The following NAV2 variants were observed in gnomAD, a reference collection of about 807,000 sequenced individuals.
NAV2 encodes the protein neuron navigator 2, also known as helicase, APC down-regulated 1.
A neutral mutation model predicts 223.2 loss-of-function variants in NAV2; 54 were observed. The ratio of observed to expected loss-of-function variants is 0.24; its 90% CI spans 0.19 to 0.30. NAV2 has a LOEUF of 0.30. Among genes scored for constraint, NAV2 ranks in the 10% least tolerant of loss-of-function variants. NAV2 has a pLI of 1.00. For missense variants in NAV2, 2,806 were observed against 3,147.5 expected (o/e 0.89, Z 2.60); for synonymous variants, 1,279 against 1,239.3 (o/e 1.03, Z -0.67).
At chr11:20,054,570 A>ATTGG (rs537322044) in intron 18 of NAV2, among the ~76,000 whole-genome samples, 153 of 152,310 alleles carry the variant, frequency 1.0e-3, no homozygotes, top group African/African-American at 3.5e-3. Flanking sequence ...TTTGGTTGAT[A>ATTGG]TTGGTAGGGC....
intron 1 of NAV2, among the ~76,000 whole-genome samples, chr11:19,458,973 G>C (rs1156772116): frequency 2.0e-5 from 3 of 152,264 alleles, no homozygotes; most frequent in African/African-American, 7.2e-5. Flanking sequence ...TTGAGTGTGC[G>C]TGAGCACAGG....
At chr11:19,875,960 C>T (rs1312872019) in intron 4 of NAV2, among the ~76,000 whole-genome samples, 3 of 151,956 alleles carry the variant, frequency 2.0e-5, no homozygotes, top group East Asian at 3.9e-4. Context: ...CACATTTTCT[C>T]AGCCAAAAAA....
chr11:19,714,525 G>C, intron 1 of NAV2: 2 of 455,232 alleles, frequency 4.4e-6, no homozygotes, highest in Non-Finnish European at 8.8e-6. Flanking sequence ...GGGATTCCGG[G>C]CAAGGTGCTG....
At chr11:19,611,020 A>G (rs1712072652) in intron 1 of NAV2, among the ~76,000 whole-genome samples, 1 of 152,222 alleles carries the variant, frequency 6.6e-6, no homozygotes, top group Admixed American at 6.5e-5. Flanking sequence ...GGGAAGAAAA[A>G]GAGGTTTAAT....
Position 19,401,345 on chromosome 11 carries a change from C to T in NAV2, c.75+50318C>T, listed in dbSNP as rs75852279. ...TGCGCCAGCAGCCACGAATTGCCAG[C>T]CTTGGAATCCAACTGTACCCCTGTA... On this transcript the variant is annotated intron_variant, in intron 1 of 37. Coordinates refer to the NAV2 transcript ENST00000360655. Among the ~76,000 whole-genome samples the T allele has an allele frequency of 4.1e-3, 624 of 152,280 alleles. 6 individuals are homozygous for T. The highest frequency in any genetic ancestry group is 0.015 in the African/African-American group (604 of 41,540).
chr11:19,660,567 A>C (rs1048785267), intron 1 of NAV2, among the ~76,000 whole-genome samples: 1 of 152,142 alleles, frequency 6.6e-6, no homozygotes, highest in African/African-American at 2.4e-5. Context: ...ATCAGATCCC[A>C]ACAAAAGTCA....
chr11:19,885,128 G>A (rs914312735), intron 5 of NAV2, among the ~76,000 whole-genome samples: 2 of 152,174 alleles, frequency 1.3e-5, no homozygotes, highest in Non-Finnish European at 2.9e-5. Flanking sequence ...TTTATTGAAC[G>A]CACCAGTTCA....
chr11:19,754,108 G>T (rs1031392328), intron 1 of NAV2, among the ~76,000 whole-genome samples: 1 of 152,126 alleles, frequency 6.6e-6, no homozygotes, highest in African/African-American at 2.4e-5. Context: ...TTTCCCCTCT[G>T]TCCCTTTTGC....
intron 1 of NAV2, among the ~76,000 whole-genome samples, chr11:19,705,522 G>A (rs1237151738): frequency 1.3e-5 from 2 of 152,126 alleles, no homozygotes; most frequent in Non-Finnish European, 2.9e-5. Context: ...CACTGAATGA[G>A]GAGCAAGGGT....
In NAV2 at chr11:20,103,650, C is replaced by T. The variant is rs753159279; in HGVS notation, c.6573-3C>T. On this transcript the variant is annotated splice_polypyrimidine_tract_variant and splice_region_variant and intron_variant, in intron 33 of 37. Transcript: ENST00000349880. The stretch of plus-strand genomic sequence containing the variant: ...GCTTTCTTTTCCTTTATTTTATCCG[C>T]AGCCCTTACATAATTGGCACAATGA... The T allele has an allele frequency of 6.2e-7, 1 of 1,613,902 alleles. No homozygotes were observed. Among genetic ancestry groups the T allele is most frequent in the Non-Finnish European group, 8.5e-7 (1 of 1,179,768 alleles).
intron 1 of NAV2, among the ~76,000 whole-genome samples, chr11:19,779,550 C>T (rs2056576606): frequency 6.6e-6 from 1 of 152,216 alleles, no homozygotes; most frequent in Non-Finnish European, 1.5e-5. Context: ...AAAGATTTTG[C>T]TTGCAGATGA....
chr11:19,366,204 G>T (rs1848273669), intron 1 of NAV2, among the ~76,000 whole-genome samples: 1 of 152,228 alleles, frequency 6.6e-6, no homozygotes, highest in African/African-American at 2.4e-5. Flanking sequence ...TTAGGGGTCA[G>T]GTTACCAGTA....
At chr11:19,458,165 TGAG>T (rs1232372965) in intron 1 of NAV2, among the ~76,000 whole-genome samples, 2 of 152,238 alleles carry the variant, frequency 1.3e-5, no homozygotes, top group Non-Finnish European at 1.5e-5. Context: ...GAGGAGGTCC[TGAG>T]GAGTTCTTTG....
chr11:19,562,568 TAAG>T (rs1295391062), intron 1 of NAV2, among the ~76,000 whole-genome samples: 1 of 152,180 alleles, frequency 6.6e-6, no homozygotes, highest in African/African-American at 2.4e-5. Flanking sequence ...AATAGGATTC[TAAG>T]ATGTTTGATT....
At chr11:19,763,783 GTTTTTTTGT>G (rs199856580) in intron 1 of NAV2, among the ~76,000 whole-genome samples, 16,471 of 136,058 alleles carry the variant, frequency 0.12, 973 homozygotes, top group Non-Finnish European at 0.13. Context: ...TTGTTTTTTT[GTTTTTTTGT>G]TTTTTTTGTT....
intron 11 of NAV2, among the ~76,000 whole-genome samples, chr11:20,011,804 ATG>A (rs1179157772): frequency 6.6e-6 from 1 of 152,266 alleles, no homozygotes; most frequent in Non-Finnish European, 1.5e-5. Context: ...ATTCCATTCT[ATG>A]TGGCGGAGCC....
chr11:19,823,938 G>GAA (rs1398601986), intron 1 of NAV2, among the ~76,000 whole-genome samples: 2 of 151,870 alleles, frequency 1.3e-5, no homozygotes, highest in Admixed American at 6.6e-5. Flanking sequence ...GAAAAGAAAA[G>GAA]AAAAAGTGCA....
At chr11:19,689,485 G>A (rs1007729786) in intron 1 of NAV2, among the ~76,000 whole-genome samples, 4 of 152,228 alleles carry the variant, frequency 2.6e-5, no homozygotes, top group Non-Finnish European at 4.4e-5. Context: ...GCAACAGCCC[G>A]GTTGGGTCAG....
intron 1 of NAV2, among the ~76,000 whole-genome samples, chr11:19,402,936 A>G (rs903760703): frequency 1.3e-5 from 2 of 152,276 alleles, no homozygotes; most frequent in African/African-American, 4.8e-5. Context: ...CTTAAGGTTC[A>G]ACATTCATCC....
Sources: gnomAD v4.1 joint callset for allele counts (sites outside exome capture counted in the v4.1 genomes callset) on GRCh38, gnomAD v4.1.1 for gene constraint, MANE v1.5 for transcripts, NCBI Gene and HGNC (gene_info 2026-07-23, HGNC 2026-07-21) for gene names.